THRAP3: variants seen among roughly 807,000 people sequenced by gnomAD.
THRAP3 encodes thyroid hormone receptor associated protein 3.
THRAP3 carries 16 observed loss-of-function variants against 101.0 expected under a neutral mutation model. The ratio of observed to expected loss-of-function variants is 0.16; its 90% CI spans 0.11 to 0.24. The LOEUF (loss-of-function observed/expected upper bound fraction) is 0.24. THRAP3 is among the 10% of genes least tolerant of loss of function. The pLI is 1.00. For missense variants in THRAP3, 989 were observed against 1,202.7 expected (o/e 0.82, Z 2.63); for synonymous variants, 407 against 422.6 (o/e 0.96, Z 0.45).
chr1:36,254,081 T>C (rs981942737), intron 1 of THRAP3, among the ~76,000 whole-genome samples: 2 of 152,168 alleles, frequency 1.3e-5, no homozygotes, highest in African/African-American at 4.8e-5. Flanking sequence ...TTCTAACTCA[T>C]CAAACTGCCG....
the THRAP3 span, among the ~76,000 whole-genome samples, chr1:36,208,545 G>A: frequency 3.3e-5 from 5 of 152,098 alleles, no homozygotes; most frequent in South Asian, 2.1e-4. Context: ...AGGAAAGCAC[G>A]AATTTATTGA....
At chr1:36,234,339 T>A (rs993293185) in intron 1 of THRAP3, among the ~76,000 whole-genome samples, 4 of 152,164 alleles carry the variant, frequency 2.6e-5, no homozygotes, top group Non-Finnish European at 5.9e-5. Flanking sequence ...AAAGCCCTGG[T>A]GGGGCAGGGA....
chr1:36,263,570 G>T (rs182052004), intron 2 of THRAP3, among the ~76,000 whole-genome samples: 34 of 152,272 alleles, frequency 2.2e-4, no homozygotes, highest in Non-Finnish European at 4.0e-4. Context: ...GAATTGAGAA[G>T]AAAATATTCC....
chr1:36,285,040 A>G (rs992587588), intron 3 of THRAP3, among the ~76,000 whole-genome samples: 2 of 152,246 alleles, frequency 1.3e-5, no homozygotes, highest in Non-Finnish European at 2.9e-5. Context: ...TGGGCAATAA[A>G]TAGTGGAAAA....
At chr1:36,265,209 G>A (rs1273206814) in intron 2 of THRAP3, among the ~76,000 whole-genome samples, 2 of 152,086 alleles carry the variant, frequency 1.3e-5, no homozygotes, top group African/African-American at 4.8e-5. Flanking sequence ...TGGTACATTT[G>A]TCCCAATTAA....
rs998762567 is a variant in THRAP3, at chr1:36,254,241, A to G, written c.-134-5141A>G. On this transcript the variant is annotated intron_variant, in intron 1 of 11. Transcript: ENST00000354618. ...TTCACAACGTTTGCCAGTTTTTCCA[A>G]CTAAGTCCTTTTCTTCTCCACAGAT... 2.6e-5 allele frequency among the ~76,000 whole-genome samples: 4 copies of G among 152,186 alleles called. No individual in the cohort carries two copies. In the South Asian group the frequency reaches 8.3e-4, roughly 32 times the overall value.
intron 1 of THRAP3, among the ~76,000 whole-genome samples, chr1:36,250,566 A>G (rs896545086): frequency 6.6e-6 from 1 of 152,008 alleles, no homozygotes; most frequent in African/African-American, 2.4e-5. Flanking sequence ...CGTAATAGTG[A>G]GATTATTTAG....
chr1:36,296,774 CGTAA>C lies in THRAP3; in HGVS notation c.2303+6_2303+9del, dbSNP rs1282452032. On this transcript the variant is annotated splice_donor_5th_base_variant and intron_variant, in intron 9 of 11. Transcript: ENST00000354618. ...ATAAAGGATCAAAGAAACAGAAGTA[CGTAA>C]GCCCCTGTTACCCCTTCCAGACTCT... 6.3e-7 allele frequency: 1 copy of C among 1,581,180 alleles called. No homozygotes were observed. The highest frequency in any genetic ancestry group is 8.6e-7 in the Non-Finnish European group (1 of 1,168,986).
rs564644082 is a variant in THRAP3, at chr1:36,304,606, C to T, written c.*589C>T. ...AAACTGCTTGGATCTTTGTAAAAAC[C>T]GGTTTTGTATGTCAAGGAGGAGTTT... On this transcript the variant is annotated 3_prime_UTR_variant, in exon 12 of 12. Coordinates refer to ENST00000354618, the MANE Select transcript of THRAP3 (RefSeq NM_005119.4). The T allele has an allele frequency of 3.6e-5, 8 of 223,874 alleles. No homozygotes were observed. The highest frequency in any genetic ancestry group is 1.9e-4 in the East Asian group (3 of 15,536). 13.9% of individuals were successfully genotyped at this position (223,874 alleles called of 1,614,324 possible).
intron 1 of THRAP3, among the ~76,000 whole-genome samples, chr1:36,239,927 A>G (rs1429863794): frequency 1.3e-5 from 2 of 152,142 alleles, no homozygotes. Flanking sequence ...ATTTATTTAC[A>G]TTTTAAGATA....
chr1:36,241,415 A>G (rs934607486), intron 1 of THRAP3, among the ~76,000 whole-genome samples: 3 of 141,602 alleles, frequency 2.1e-5, no homozygotes, highest in East Asian at 2.0e-4. Flanking sequence ...ATATATATAT[A>G]TATATATATA....
intron 1 of THRAP3, among the ~76,000 whole-genome samples, chr1:36,254,393 C>T (rs913303975): frequency 1.3e-5 from 2 of 152,162 alleles, no homozygotes; most frequent in African/African-American, 4.8e-5. Context: ...AATTCAATAA[C>T]AAAATGATTC....
At chr1:36,274,070 TGTGTGTCACACACA>T (rs953604153) in intron 2 of THRAP3, among the ~76,000 whole-genome samples, 8 of 27,064 alleles carry the variant, frequency 3.0e-4, no homozygotes, top group East Asian at 2.8e-3. Flanking sequence ...TGTGTGTGTG[TGTGTGTCACACACA>T]CACACACACA....
At chr1:36,250,825 C>T (rs1645292080) in intron 1 of THRAP3, among the ~76,000 whole-genome samples, 2 of 152,212 alleles carry the variant, frequency 1.3e-5, no homozygotes, top group Admixed American at 1.3e-4. Context: ...CAGCTCACTG[C>T]AACCTCCACC....
At chr1:36,227,176 T>A (rs1410952310) in intron 1 of THRAP3, among the ~76,000 whole-genome samples, 1 of 152,120 alleles carries the variant, frequency 6.6e-6, no homozygotes, top group Non-Finnish European at 1.5e-5. Flanking sequence ...TACAGATGAG[T>A]TGGAGAGAGA....
intron 1 of THRAP3, among the ~76,000 whole-genome samples, chr1:36,229,318 C>A (rs7530751): frequency 0.019 from 2,811 of 151,372 alleles, 83 homozygotes; most frequent in African/African-American, 0.064. Context: ...AGATGGTCTC[C>A]ATCTCCTGAC....
intron 2 of THRAP3, among the ~76,000 whole-genome samples, chr1:36,259,801 C>T (rs1315408462): frequency 6.6e-6 from 1 of 151,448 alleles, no homozygotes; most frequent in East Asian, 1.9e-4. Flanking sequence ...ATTGATTATC[C>T]AGATGATTCG....
At chr1:36,232,321 G>A (rs1041413322) in intron 1 of THRAP3, among the ~76,000 whole-genome samples, 2 of 148,492 alleles carry the variant, frequency 1.3e-5, no homozygotes, top group East Asian at 1.9e-4. Context: ...TATTACTTAA[G>A]TGTTAAAGAG....
chr1:36,280,582 A>AG (rs2124575728), intron 2 of THRAP3, among the ~76,000 whole-genome samples: 1 of 152,326 alleles, frequency 6.6e-6, no homozygotes, highest in Non-Finnish European at 1.5e-5. Context: ...CACAGACAAG[A>AG]GGCAGCATTA....
Sources: gnomAD v4.1 joint callset for allele counts (sites outside exome capture counted in the v4.1 genomes callset) on GRCh38, gnomAD v4.1.1 for gene constraint, MANE v1.5 for transcripts, NCBI Gene and HGNC (gene_info 2026-07-23, HGNC 2026-07-21) for gene names.